IL17D: variants seen among roughly 807,000 people sequenced by gnomAD.
IL17D encodes the protein interleukin 17D, also known as interleukin-17D.
A neutral mutation model predicts 5.7 loss-of-function variants in IL17D; 10 were observed. The observed-to-expected ratio is 1.75, with a 90% confidence interval of 1.08 to 2.97. The LOEUF (loss-of-function observed/expected upper bound fraction) is 2.97, where lower values mean the gene tolerates loss of function less well. Ranked by LOEUF, IL17D falls within the 30% of genes most tolerant of loss-of-function variation. The pLI is 0.00. For synonymous variants in IL17D, 172 were observed against 141.7 expected, an observed-to-expected ratio of 1.21 and a Z score of -1.52; for missense variants, 354 against 292.7, an observed-to-expected ratio of 1.21 and a Z score of -1.53.
chr13:20,712,052 G>C (rs1033739943), intron 1 of IL17D, among the ~76,000 whole-genome samples: 2 of 152,170 alleles, frequency 1.3e-5, no homozygotes, highest in African/African-American at 4.8e-5. Context: ...CCACTTGACC[G>C]ATATTGAAAC....
intron 1 of IL17D, among the ~76,000 whole-genome samples, chr13:20,711,224 A>G (rs527960536): frequency 1.3e-5 from 2 of 151,790 alleles, no homozygotes; most frequent in East Asian, 3.9e-4. Context: ...AGATCATGCC[A>G]TTGCACTCCA....
intron 1 of IL17D, among the ~76,000 whole-genome samples, chr13:20,717,746 C>T (rs1028261770): frequency 1.2e-4 from 19 of 152,194 alleles, no homozygotes; most frequent in Non-Finnish European, 2.5e-4. Flanking sequence ...ATGGCCCACG[C>T]AGCCATGGGG....
intron 1 of IL17D, among the ~76,000 whole-genome samples, chr13:20,709,540 A>C (rs373262851): frequency 6.6e-6 from 1 of 152,200 alleles, no homozygotes; most frequent in African/African-American, 2.4e-5. Context: ...TCTACGTTAA[A>C]AGGGAAAATA....
rs565402301 is a variant in IL17D at position 20,704,976 on chromosome 13, G to A, written c.290+685G>A. Among the ~76,000 whole-genome samples the A allele has an allele frequency of 2.6e-5, 4 of 152,328 alleles. No individual in the cohort carries two copies. The South Asian group carries it at 8.3e-4, about 32-fold the overall frequency. Reference sequence around the variant, plus strand: ...GGCAGTGCATGAAGTGACATGAACAGTTTCGAGAGTATTTTGGTCTTGGAA... The same window carrying A: ...GGCAGTGCATGAAGTGACATGAACAATTTCGAGAGTATTTTGGTCTTGGAA... On this transcript the variant is annotated intron_variant, in intron 1 of 1. Coordinates refer to ENST00000682841, the MANE Select transcript of IL17D (RefSeq NM_001385224.1).
chr13:20,721,728 A>AC lies in IL17D; in HGVS notation c.384dup (p.Val129ArgfsTer105). ...CTGACCGGGCTGTTCGGCGAGGAGG[A>AC]CGTGCGCTTCCGCAGCGCCCCTGTC... On this transcript the variant is annotated frameshift_variant, in exon 2 of 2. Coordinates refer to ENST00000682841, the MANE Select transcript of IL17D (RefSeq NM_001385224.1). LOFTEE classifies it low-confidence loss of function (END_TRUNC). The AC allele has an allele frequency of 6.2e-7, 1 of 1,611,048 alleles. No individual in the cohort carries two copies. Among genetic ancestry groups the AC allele is most frequent in the Non-Finnish European group, 8.5e-7 (1 of 1,179,478 alleles).
rs756793892 is a variant in IL17D, at chr13:20,721,680, C to CCTA, written c.338_340dup (p.Tyr113dup). ...AGGTACCCCAGGTACCTGCCTGAAG[C>CCTA]CTACTGCCTGTGCCGGGGCTGCCTG... is the stretch of plus-strand genomic sequence containing the variant. On this transcript the variant is annotated inframe_insertion, in exon 2 of 2. Coordinates refer to ENST00000682841, the MANE Select transcript of IL17D (RefSeq NM_001385224.1). The CCTA allele has an allele frequency of 6.2e-7, 1 of 1,610,700 alleles. No individual in the cohort carries two copies. The highest frequency in any genetic ancestry group is 8.5e-7 in the Non-Finnish European group (1 of 1,178,774).
intron 1 of IL17D, among the ~76,000 whole-genome samples, chr13:20,706,934 G>A (rs895939201): frequency 6.6e-6 from 1 of 152,190 alleles, no homozygotes; most frequent in African/African-American, 2.4e-5. Context: ...GGTGTCATGT[G>A]CATCATTTTT....
At chr13:20,717,656 C>T (rs1161067496) in intron 1 of IL17D, among the ~76,000 whole-genome samples, 1 of 152,190 alleles carries the variant, frequency 6.6e-6, no homozygotes, top group South Asian at 2.1e-4. Flanking sequence ...ATGGTAGATG[C>T]GCGGCACCCC....
chr13:20,718,945 C>T (rs2058709270), intron 1 of IL17D, among the ~76,000 whole-genome samples: 1 of 148,558 alleles, frequency 6.7e-6, no homozygotes, highest in Non-Finnish European at 1.5e-5. Context: ...CACGCTCACA[C>T]CTGCCTCCAC....
intron 1 of IL17D, among the ~76,000 whole-genome samples, chr13:20,717,785 G>T (rs2058688991): frequency 6.6e-6 from 1 of 152,186 alleles, no homozygotes; most frequent in Admixed American, 6.5e-5. Context: ...GCCTTACTTA[G>T]CCCAGAGGCA....
Position 20,722,082 on chromosome 13 carries a change from C to G in IL17D, c.*128C>G. Reference sequence around the variant, plus strand: ...AGCAAACCAAGTGCCGGAGCACCAGCGCCGCCTTTCCATGGAGACTCGTAA... The same window carrying G: ...AGCAAACCAAGTGCCGGAGCACCAGGGCCGCCTTTCCATGGAGACTCGTAA... On this transcript the variant is annotated 3_prime_UTR_variant, in exon 2 of 2. Coordinates refer to ENST00000682841, the MANE Select transcript of IL17D (RefSeq NM_001385224.1). The G allele has an allele frequency of 1.4e-6, 1 of 727,328 alleles. No homozygotes were observed. The highest frequency in any genetic ancestry group is 2.9e-5 in the East Asian group (1 of 34,168). The allele number at this position is 727,328 out of a possible 1,614,324, so 45.1% of individuals were successfully genotyped here. A position where few individuals can be genotyped will look rare whatever the true frequency, so the allele number is the denominator to read the frequency against.
intron 1 of IL17D, among the ~76,000 whole-genome samples, chr13:20,705,365 C>T (rs973468133): frequency 1.3e-5 from 2 of 151,922 alleles, no homozygotes; most frequent in Non-Finnish European, 2.9e-5. Context: ...GGGTGGGCAT[C>T]GATGTAAGGC....
At chr13:20,709,567 TA>T (rs1221170732) in intron 1 of IL17D, among the ~76,000 whole-genome samples, 2 of 152,182 alleles carry the variant, frequency 1.3e-5, no homozygotes, top group Non-Finnish European at 2.9e-5. Flanking sequence ...AATATGTACA[TA>T]TGACACATTC....
chr13:20,717,521 G>T (rs868852322), intron 1 of IL17D, among the ~76,000 whole-genome samples: 3 of 152,202 alleles, frequency 2.0e-5, no homozygotes, highest in African/African-American at 7.2e-5. Flanking sequence ...GCCAGCGAGG[G>T]CCCTAGGGCT....
chr13:20,710,397 T>G (rs1434738866), intron 1 of IL17D, among the ~76,000 whole-genome samples: 3 of 144,326 alleles, frequency 2.1e-5, no homozygotes, highest in Non-Finnish European at 4.5e-5. Context: ...GTGGATCACC[T>G]GAGGTCAGGA....
At position 20,716,909 on chromosome 13, in the gene IL17D, G is replaced by A. The variant is rs1427682431; in HGVS notation, c.291-4727G>A. 6.6e-6 allele frequency among the ~76,000 whole-genome samples: 1 copy of A among 152,212 alleles called. No individual in the cohort carries two copies. Among genetic ancestry groups the A allele is most frequent in the Non-Finnish European group, 1.5e-5 (1 of 68,032 alleles). ...GGGAGGGTGAGCCACATCAAGGCGC[G>A]TGTGCCAACCAGCGCCCCAGCTATC... On this transcript the variant is annotated intron_variant, in intron 1 of 1. Coordinates refer to ENST00000682841, the MANE Select transcript of IL17D (RefSeq NM_001385224.1). This position sits in a 1 kb window ranked among gnomAD's most constrained non-coding sequence, Gnocchi z 4.2.
At chr13:20,710,904 A>T (rs1188957193) in intron 1 of IL17D, among the ~76,000 whole-genome samples, 4 of 152,194 alleles carry the variant, frequency 2.6e-5, no homozygotes. Flanking sequence ...AACAAAGAAA[A>T]GGACAAGGAG....
chr13:20,721,547 G>A lies in IL17D; in HGVS notation c.291-89G>A, dbSNP rs552227699. 1.1e-4 allele frequency: 130 copies of A among 1,134,990 alleles called. No individual in the cohort carries two copies. The East Asian group carries it at 2.6e-3, about 23-fold the overall frequency. The allele number at this position is 1,134,990 out of a possible 1,614,324, so 70.3% of individuals were successfully genotyped here. A position where few individuals can be genotyped will look rare whatever the true frequency, so the allele number is the denominator to read the frequency against. On this transcript the variant is annotated intron_variant, in intron 1 of 1. Transcript: ENST00000682841. ...AGGCGGAGGACAGGACAGTCCCCGA[G>A]GCCCTCCCCGGTGACTCTAACCAGG...
chr13:20,712,032 A>G (rs532643002), intron 1 of IL17D, among the ~76,000 whole-genome samples: 88 of 152,316 alleles, frequency 5.8e-4, no homozygotes, highest in African/African-American at 2.0e-3. Flanking sequence ...TGGGCTGTCC[A>G]TTAATTATTC....
Sources: allele counts gnomAD v4.1 joint callset (sites outside exome capture counted in the v4.1 genomes callset), GRCh38; gene constraint gnomAD v4.1.1; non-coding constraint Gnocchi (gnomAD v3.1); transcripts MANE v1.5; gene names NCBI Gene and HGNC (gene_info 2026-07-23, HGNC 2026-07-21).